The following ADAM17 variants were observed in gnomAD, a reference collection of about 807,000 sequenced individuals.
ADAM17 encodes ADAM metallopeptidase domain 17.
ADAM17 carries 39 observed loss-of-function variants against 96.7 expected under a neutral mutation model. The ratio of observed to expected loss-of-function variants is 0.40; its 90% CI spans 0.31 to 0.53. The LOEUF (loss-of-function observed/expected upper bound fraction) is 0.53, where lower values mean the gene tolerates loss of function less well. Among genes scored for constraint, ADAM17 ranks in the 20% least tolerant of loss-of-function variants. The probability of loss-of-function intolerance (pLI) is 0.44; values close to 1 mark genes in which losing one functional copy is unlikely to be tolerated. For synonymous variants in ADAM17, 344 were observed against 359.2 expected (o/e 0.96, Z 0.48); for missense variants, 777 against 1,013.2 (o/e 0.77, Z 3.17).
chr2:9,495,887 A>C (rs1242736078), intron 14 of ADAM17, among the ~76,000 whole-genome samples: 1 of 136,698 alleles, frequency 7.3e-6, no homozygotes, highest in Non-Finnish European at 1.5e-5. Context: ...TTAAGAGGTG[A>C]GGTTTCACAA....
chr2:9,502,350 G>A (rs913662196), intron 12 of ADAM17, 74 bp from the exon 13 acceptor site: 33 of 1,265,522 alleles, frequency 2.6e-5, no homozygotes, highest in Non-Finnish European at 2.9e-5. Flanking sequence ...CTACAGTTAC[G>A]TTACAGTGAC....
In ADAM17 at chr2:9,502,101, CAT is replaced by C; in HGVS notation, c.1648+70_1648+71del. 5 of 1,352,392 alleles carry C rather than the reference CAT, an allele frequency of 3.7e-6. No individual in the cohort carries two copies. In the Admixed American group the frequency reaches 5.4e-5, roughly 15 times the overall value. 83.8% of individuals were successfully genotyped at this position (1,352,392 alleles called of 1,614,324 possible). On this transcript the variant is annotated intron_variant, in intron 13 of 18. Coordinates refer to ENST00000310823, the MANE Select transcript of ADAM17 (RefSeq NM_003183.6). ...TAAGGTGTCTCTCATCTGAACAAAA[CAT>C]AATCTTGTTTTTCAAAGACACACAC... is the stretch of plus-strand genomic sequence containing the variant.
chr2:9,533,213 C>T (rs1664822642), intron 4 of ADAM17, among the ~76,000 whole-genome samples: 2 of 150,886 alleles, frequency 1.3e-5, no homozygotes, highest in African/African-American at 4.9e-5. Context: ...GTAATCTGAG[C>T]AAATTTAACT....
At chr2:9,505,886 A>G (rs1213184494) in intron 11 of ADAM17, among the ~76,000 whole-genome samples, 1 of 152,224 alleles carries the variant, frequency 6.6e-6, no homozygotes, top group Non-Finnish European at 1.5e-5. Flanking sequence ...ATTTGAGCTT[A>G]GTAATAGGCA....
chr2:9,508,991 C>A (rs1358351175), intron 11 of ADAM17, among the ~76,000 whole-genome samples: 1 of 150,234 alleles, frequency 6.7e-6, no homozygotes, highest in Non-Finnish European at 1.5e-5. Context: ...CATAAAAAGC[C>A]AAAAAAAAAT....
At chr2:9,514,117 A>G (rs1663899737) in intron 10 of ADAM17, among the ~76,000 whole-genome samples, 1 of 152,050 alleles carries the variant, frequency 6.6e-6, no homozygotes, top group Non-Finnish European at 1.5e-5. Flanking sequence ...AACATTGTCC[A>G]ACAATGATAG....
In ADAM17 at chr2:9,531,893, T is replaced by C. The variant is rs13428157; in HGVS notation, c.451-3939A>G. ...AAGAGGATTGCTTACAGTCAGACAT[T>C]TGAGATCAGCCTGGGCAACACAGTG... On this transcript the variant is annotated intron_variant, in intron 4 of 18. Transcript: ENST00000310823. Among the ~76,000 whole-genome samples the C allele has an allele frequency of 3.1e-3, 466 of 152,252 alleles. 2 individuals are homozygous for C. Among genetic ancestry groups the C allele is most frequent in the African/African-American group, 0.011 (449 of 41,522 alleles).
rs745487876 is a variant in ADAM17, at chr2:9,493,863, A to G, written c.1915-38T>C. Reference sequence around the variant, plus strand: ...AACATACATACAGCATCATTCCCAAACACAATGTATTCAGAAGCAATGTAG... The same window carrying G: ...AACATACATACAGCATCATTCCCAAGCACAATGTATTCAGAAGCAATGTAG... On this transcript the variant is annotated intron_variant, in intron 15 of 18. Transcript: ENST00000310823. The G allele has an allele frequency of 2.6e-6, 4 of 1,537,152 alleles. No homozygotes were observed. The African/African-American group carries it at 5.5e-5, about 21-fold the overall frequency.
At chr2:9,521,102 G>T in intron 8 of ADAM17, 101 bp downstream of exon 8, 1 of 899,724 alleles carries the variant, frequency 1.1e-6, no homozygotes, top group East Asian at 2.5e-5. Flanking sequence ...GCTTCTGGGT[G>T]TCCATCTTTT....
intron 7 of ADAM17, 34 bp downstream of exon 7, chr2:9,523,215 T>G: frequency 6.8e-7 from 1 of 1,478,720 alleles, no homozygotes; most frequent in Non-Finnish European, 9.3e-7. Flanking sequence ...ATTACAAAAC[T>G]TAAGTAATAT....
chr2:9,507,293 C>T (rs934508233), intron 11 of ADAM17, among the ~76,000 whole-genome samples: 2 of 151,994 alleles, frequency 1.3e-5, no homozygotes, highest in African/African-American at 4.8e-5. Flanking sequence ...AGTTTGTTGA[C>T]CAGTCAGTTG....
rs74954115 is a variant in ADAM17, at chr2:9,515,018, C to G, written c.1191+2883G>C. Among the ~76,000 whole-genome samples, 444 of 152,280 alleles carry G rather than the reference C, an allele frequency of 2.9e-3. 2 individuals are homozygous for G. Among genetic ancestry groups the G allele is most frequent in the African/African-American group, 0.01 (431 of 41,576 alleles). ...TGGGACTATAGGCTCCTGCCACCAC[C>G]TGTTTTTAAATCACCCAAAGTCCAC... On this transcript the variant is annotated intron_variant, in intron 10 of 18. Coordinates refer to ENST00000310823, the MANE Select transcript of ADAM17 (RefSeq NM_003183.6).
intron 6 of ADAM17, 48 bp downstream of exon 6, chr2:9,526,063 C>T (rs773180185): frequency 3.9e-6 from 6 of 1,529,804 alleles, no homozygotes; most frequent in South Asian, 1.3e-5. Context: ...TGGAATGTAC[C>T]CACCCAAATT....
At position 9,533,478 on chromosome 2, in the gene ADAM17, CAG is replaced by C. The variant is rs537052035; in HGVS notation, c.450+2354_450+2355del. Among the ~76,000 whole-genome samples, 683 of 152,186 alleles carry C rather than the reference CAG, an allele frequency of 4.5e-3. 2 individuals carry two copies. The highest frequency in any genetic ancestry group is 0.016 in the African/African-American group (664 of 41,506). On this transcript the variant is annotated intron_variant, in intron 4 of 18. Coordinates refer to ENST00000310823, the MANE Select transcript of ADAM17 (RefSeq NM_003183.6). The stretch of plus-strand genomic sequence containing the variant: ...AGGAGAATGGCTTGAACCCAGGAGG[CAG>C]AGTCTGCAGTGAGCTGAGATCACGC...
intron 10 of ADAM17, among the ~76,000 whole-genome samples, chr2:9,510,398 G>C (rs958531727): frequency 1.3e-5 from 2 of 152,192 alleles, no homozygotes; most frequent in African/African-American, 4.8e-5. Flanking sequence ...AGGCATGGTG[G>C]CTCACGCCTG....
intron 13 of ADAM17, among the ~76,000 whole-genome samples, chr2:9,499,593 A>G (rs555489739): frequency 0.014 from 2,084 of 152,182 alleles, 196 homozygotes; most frequent in Admixed American, 0.13. Flanking sequence ...TAGTAGACAC[A>G]GGGTTTCACC....
chr2:9,537,970 G>T (rs1665047186), intron 2 of ADAM17, among the ~76,000 whole-genome samples: 1 of 32,324 alleles, frequency 3.1e-5, no homozygotes, highest in Non-Finnish European at 6.2e-5. Flanking sequence ...AGAGGGGAAG[G>T]GAAGGGGAAG....
chr2:9,521,007 T>G (rs1310484056), intron 8 of ADAM17, among the ~76,000 whole-genome samples, 196 bp downstream of exon 8: 2 of 150,040 alleles, frequency 1.3e-5, no homozygotes, highest in African/African-American at 4.9e-5. Flanking sequence ...CTTTATAGCG[T>G]TTTTCTTTTT....
At chr2:9,524,035 C>T (rs56224810) in intron 6 of ADAM17, among the ~76,000 whole-genome samples, 27,736 of 148,658 alleles carry the variant, frequency 0.19, 2,691 homozygotes, top group Middle Eastern at 0.29. Context: ...ACCACCATGC[C>T]GGGCTTTTTT....
Sources: gnomAD v4.1 joint callset for allele counts (sites outside exome capture counted in the v4.1 genomes callset) on GRCh38, gnomAD v4.1.1 for gene constraint, MANE v1.5 for transcripts, NCBI Gene and HGNC (gene_info 2026-07-23, HGNC 2026-07-21) for gene names.